The following MACF1 variants were observed in gnomAD, a reference collection of about 807,000 sequenced individuals.
MACF1 encodes the protein microtubule actin crosslinking factor 1.
A neutral mutation model predicts 854.8 loss-of-function variants in MACF1; 193 were observed. The ratio of observed to expected loss-of-function variants is 0.23; its 90% CI spans 0.20 to 0.25. The LOEUF is 0.25. MACF1 is among the 10% of genes least tolerant of loss of function. The pLI is 1.00. For synonymous variants in MACF1, 3,185 were observed against 3,226.7 expected (o/e 0.99, Z 0.44); for missense variants, 7,722 against 8,929.1 (o/e 0.86, Z 5.45).
intron 58 of MACF1, among the ~76,000 whole-genome samples, chr1:39,393,196 A>AAAAAAAATATATATATATATATAT (rs57576149): frequency 1.5e-5 from 1 of 66,566 alleles, no homozygotes; most frequent in African/African-American, 8.4e-5. Flanking sequence ...AAAAAAAAAA[A>AAAAAAAATATATATATATATATAT]ATATATATAT....
At position 39,333,005 on chromosome 1, in the gene MACF1, G is replaced by A. The variant is rs372117275; in HGVS notation, c.6417G>A (p.Ala2139=). Residue 2139 remains alanine (A), a synonymous_variant, in exon 37 of 101, where the codon GCG becomes GCA. Transcript: ENST00000564288. ...TCCTGACCATACCTCCTGCTGAGGCGGAAGGTGTGCCGTTGGTGGTTGACA... is the reference window on the plus strand; with the variant it reads ...TCCTGACCATACCTCCTGCTGAGGCAGAAGGTGTGCCGTTGGTGGTTGACA... The part of the protein sequence containing the change: ...GHLLTIPPAE[A]EGVPLVVDKD... 2.5e-5 allele frequency: 41 copies of A among 1,614,034 alleles called. 1 individual carries two copies. The highest frequency in any genetic ancestry group is 1.2e-4 in the African/African-American group (9 of 75,024).
At chr1:39,250,722 A>G (rs2148333453) in intron 3 of MACF1, among the ~76,000 whole-genome samples, 1 of 152,254 alleles carries the variant, frequency 6.6e-6, no homozygotes, top group Non-Finnish European at 1.5e-5. Flanking sequence ...CTTCTTCCCA[A>G]AATGTTCTAA....
chr1:39,423,732 T>C (rs1194293481), intron 60 of MACF1, among the ~76,000 whole-genome samples: 2 of 152,104 alleles, frequency 1.3e-5, no homozygotes, highest in Non-Finnish European at 2.9e-5. Flanking sequence ...ATTAACATAT[T>C]CATCACTTCA....
rs777436300 is a variant in MACF1, at chr1:39,318,634, C to T, written c.3945+19C>T. Reference sequence around the variant, plus strand: ...GCAGACGGTGAGTGTGGTAGTAGCTCTGGCGAGAAGAGTTAGAAATTTAAA... The same window carrying T: ...GCAGACGGTGAGTGTGGTAGTAGCTTTGGCGAGAAGAGTTAGAAATTTAAA... On this transcript the variant is annotated intron_variant, in intron 30 of 100. Transcript: ENST00000564288. The T allele has an allele frequency of 5.8e-5, 91 of 1,577,962 alleles. No homozygotes were observed. Among genetic ancestry groups the T allele is most frequent in the Non-Finnish European group, 7.3e-5 (85 of 1,163,262 alleles).
chr1:39,242,984 G>T (rs536742470), intron 2 of MACF1, among the ~76,000 whole-genome samples: 1 of 152,158 alleles, frequency 6.6e-6, no homozygotes, highest in Non-Finnish European at 1.5e-5. Context: ...CTGCTGGGTC[G>T]TATGGTAACT....
chr1:39,148,193 C>T (rs948202732), intron 2 of MACF1, among the ~76,000 whole-genome samples: 1 of 152,130 alleles, frequency 6.6e-6, no homozygotes, highest in Non-Finnish European at 1.5e-5. Flanking sequence ...AATTGTCAGC[C>T]TCCCCTAGAC....
chr1:39,478,703 G>A (rs1050545112), intron 97 of MACF1, among the ~76,000 whole-genome samples: 1 of 152,198 alleles, frequency 6.6e-6, no homozygotes, highest in Admixed American at 6.5e-5. Flanking sequence ...GACATATGGG[G>A]TAGCACAGAT....
In MACF1 at chr1:39,337,337, T is replaced by C; in HGVS notation, c.10215+6T>C. On this transcript the variant is annotated splice_donor_region_variant and intron_variant, in intron 38 of 100. Transcript: ENST00000564288. ...ATCTGCTGTGTCAGGCCAAGGTAGGTTCCCAGAGACTTCCACCACAGACAC... is the reference window on the plus strand; with the variant it reads ...ATCTGCTGTGTCAGGCCAAGGTAGGCTCCCAGAGACTTCCACCACAGACAC... The C allele has an allele frequency of 6.2e-7, 1 of 1,612,574 alleles. No homozygotes were observed. Among genetic ancestry groups the C allele is most frequent in the East Asian group, 2.2e-5 (1 of 44,860 alleles).
intron 18 of MACF1, among the ~76,000 whole-genome samples, chr1:39,294,522 C>T (rs1645860980): frequency 6.6e-6 from 1 of 152,118 alleles, no homozygotes; most frequent in Non-Finnish European, 1.5e-5. Context: ...AATAAACAGG[C>T]TGTGTGAGAA....
intron 54 of MACF1, 51 bp downstream of exon 54, chr1:39,379,495 G>A (rs200166870): frequency 2.6e-6 from 4 of 1,558,150 alleles, no homozygotes; most frequent in East Asian, 2.3e-5. Context: ...AGAGACAGCT[G>A]TACCAGTGTT....
chr1:39,194,346 CTTTTCTTTTT>C (rs1194794678), intron 2 of MACF1, among the ~76,000 whole-genome samples: 8,668 of 33,346 alleles, frequency 0.26, 198 homozygotes, highest in Admixed American at 0.32. Context: ...CTTTTCTTTT[CTTTTCTTTTT>C]TTTTTTTTTT....
chr1:39,247,877 C>T (rs574343004), intron 2 of MACF1, among the ~76,000 whole-genome samples: 2 of 152,146 alleles, frequency 1.3e-5, no homozygotes, highest in African/African-American at 4.8e-5. Flanking sequence ...CAAAAATTAG[C>T]TGATTGTGGT....
chr1:39,357,248 G>A, intron 44 of MACF1, 127 bp from the exon 45 acceptor site: 2 of 1,001,164 alleles, frequency 2.0e-6, no homozygotes, highest in Non-Finnish European at 3.0e-6. Context: ...ACAGCAATGT[G>A]GGTGAAAAGA....
At chr1:39,282,545 A>T (rs545143098) in intron 7 of MACF1, among the ~76,000 whole-genome samples, 171 bp downstream of exon 7, 12 of 152,378 alleles carry the variant, frequency 7.9e-5, no homozygotes, top group African/African-American at 2.9e-4. Flanking sequence ...GGGTACAAGT[A>T]GCAGTGAAGA....
At chr1:39,405,828 T>G (rs1642674037) in intron 58 of MACF1, among the ~76,000 whole-genome samples, 1 of 152,086 alleles carries the variant, frequency 6.6e-6, no homozygotes, top group Non-Finnish European at 1.5e-5. Flanking sequence ...TCTCTGGAGC[T>G]CCCTGTATTT....
At chr1:39,097,868 G>A (rs536980955) in intron 2 of MACF1, among the ~76,000 whole-genome samples, 112 of 152,300 alleles carry the variant, frequency 7.4e-4, no homozygotes, top group Non-Finnish European at 1.2e-3. Flanking sequence ...GCCTCTCCCG[G>A]CCTCAGTGAT....
intron 2 of MACF1, among the ~76,000 whole-genome samples, chr1:39,199,131 G>A (rs1041483555): frequency 3.3e-5 from 5 of 151,564 alleles, no homozygotes; most frequent in East Asian, 2.0e-4. Flanking sequence ...GACTACAGGC[G>A]CCCACCACCA....
At chr1:39,096,205 C>T (rs1402767811) in intron 2 of MACF1, among the ~76,000 whole-genome samples, 1 of 147,412 alleles carries the variant, frequency 6.8e-6, no homozygotes, top group Non-Finnish European at 1.5e-5. Context: ...AAAAAAATTG[C>T]AGGAAAGATT....
rs149166398 is a variant in MACF1, at chr1:39,150,203, A to G, written c.220+65765A>G. ...TGGCTAATTTTTTTGTATTTTTACT[A>G]GAGATGGGGTTTTGCCATGTGCTCA... On this transcript the variant is annotated intron_variant, in intron 2 of 93. Coordinates refer to the MACF1 transcript ENST00000361689. Among the ~76,000 whole-genome samples the G allele has an allele frequency of 5.6e-3, 845 of 152,234 alleles. 4 individuals carry two copies. The highest frequency in any genetic ancestry group is 0.017 in the Middle Eastern group (5 of 294).
Sources: allele counts gnomAD v4.1 joint callset (sites outside exome capture counted in the v4.1 genomes callset), GRCh38; gene constraint gnomAD v4.1.1; transcripts MANE v1.5; gene names NCBI Gene and HGNC (gene_info 2026-07-23, HGNC 2026-07-21).